Variants in DPYD observed in about 807,000 individuals in gnomAD.
DPYD encodes the protein dihydropyrimidine dehydrogenase [NADP(+)].
A neutral mutation model predicts 116.2 loss-of-function variants in DPYD; 109 were observed. That is an observed-to-expected ratio of 0.94 (90% CI 0.80 to 1.10). The LOEUF (loss-of-function observed/expected upper bound fraction) is 1.10, where lower values mean the gene tolerates loss of function less well. Ranked by LOEUF, DPYD falls within the 50% of genes least tolerant of loss-of-function variation. DPYD has a pLI of 0.00. For missense variants in DPYD, 1,302 were observed against 1,254.5 expected, an observed-to-expected ratio of 1.04 and a Z score of -0.57; for synonymous variants, 440 against 432.0, an observed-to-expected ratio of 1.02 and a Z score of -0.23.
At chr1:97,711,441 G>A (rs1224437564) in intron 5 of DPYD, among the ~76,000 whole-genome samples, 1 of 151,836 alleles carries the variant, frequency 6.6e-6, no homozygotes. Flanking sequence ...AAATAAAGTA[G>A]GTGAATGAGT....
chr1:97,442,396 G>C (rs1000648658), intron 14 of DPYD, among the ~76,000 whole-genome samples: 2 of 150,198 alleles, frequency 1.3e-5, no homozygotes, highest in Non-Finnish European at 3.0e-5. Context: ...AAAGAACTAC[G>C]AATGTCCTAT....
chr1:97,435,919 T>C (rs1177255125), intron 14 of DPYD, among the ~76,000 whole-genome samples: 1 of 151,984 alleles, frequency 6.6e-6, no homozygotes, highest in Non-Finnish European at 1.5e-5. Flanking sequence ...GAATAGTTTG[T>C]AACAGAGCTA....
chr1:97,851,986 G>GA (rs1255767517), intron 2 of DPYD, among the ~76,000 whole-genome samples: 2,512 of 29,290 alleles, frequency 0.086, 74 homozygotes, highest in African/African-American at 0.22. Flanking sequence ...TTAAAGTATA[G>GA]AAAAAAAAAA....
chr1:97,645,572 GT>G (rs1180497932), intron 8 of DPYD, among the ~76,000 whole-genome samples: 6 of 151,570 alleles, frequency 4.0e-5, no homozygotes, highest in Non-Finnish European at 7.4e-5. Context: ...GTCTGTTTCT[GT>G]TTTTTTAATC....
intron 13 of DPYD, among the ~76,000 whole-genome samples, chr1:97,481,957 T>C (rs1678341478): frequency 1.3e-5 from 2 of 152,210 alleles, no homozygotes; most frequent in East Asian, 1.9e-4. Context: ...GCACTGATAG[T>C]AGATTATAAA....
At chr1:97,611,954 C>CA (rs1655977860) in intron 8 of DPYD, among the ~76,000 whole-genome samples, 1 of 152,080 alleles carries the variant, frequency 6.6e-6, no homozygotes, top group Non-Finnish European at 1.5e-5. Context: ...GCAAGGACTG[C>CA]GTTAGGAAAT....
chr1:97,152,777 T>C (rs1280495378), intron 20 of DPYD, among the ~76,000 whole-genome samples: 1 of 151,812 alleles, frequency 6.6e-6, no homozygotes, highest in East Asian at 1.9e-4. Flanking sequence ...AGGTATAGCA[T>C]ACCTGAGAAC....
At chr1:97,179,608 G>T (rs1657511212) in intron 20 of DPYD, among the ~76,000 whole-genome samples, 1 of 152,122 alleles carries the variant, frequency 6.6e-6, no homozygotes, top group Non-Finnish European at 1.5e-5. Flanking sequence ...GGTGTAAGGG[G>T]CTGGGAGTGA....
chr1:97,371,253 C>A (rs1671296141), intron 16 of DPYD, among the ~76,000 whole-genome samples: 2 of 152,124 alleles, frequency 1.3e-5, no homozygotes, highest in Admixed American at 6.6e-5. Flanking sequence ...GTGTCTCTGG[C>A]AGATAAATAT....
intron 8 of DPYD, among the ~76,000 whole-genome samples, chr1:97,628,094 T>C (rs1306090975): frequency 6.6e-6 from 1 of 151,980 alleles, no homozygotes; most frequent in Non-Finnish European, 1.5e-5. Flanking sequence ...ACTGCCTGGA[T>C]GTTGGGGGAA....
intron 18 of DPYD, among the ~76,000 whole-genome samples, chr1:97,248,704 T>C (rs1157531687): frequency 6.6e-6 from 1 of 152,176 alleles, no homozygotes; most frequent in African/African-American, 2.4e-5. Context: ...CTATCCTCAA[T>C]CTGACAAAGA....
intron 14 of DPYD, among the ~76,000 whole-genome samples, chr1:97,386,343 A>C (rs1259115538): frequency 6.6e-6 from 1 of 151,334 alleles, no homozygotes; most frequent in Non-Finnish European, 1.5e-5. Context: ...GCTGCTGTTG[A>C]TCACTGATTC....
At chr1:97,344,075 C>T (rs957043071) in intron 16 of DPYD, among the ~76,000 whole-genome samples, 1 of 151,604 alleles carries the variant, frequency 6.6e-6, no homozygotes, top group African/African-American at 2.4e-5. Context: ...TGCAGAATTA[C>T]ACTTATTAGT....
At chr1:97,919,723 A>G (rs1015180799) in intron 1 of DPYD, among the ~76,000 whole-genome samples, 3 of 152,206 alleles carry the variant, frequency 2.0e-5, no homozygotes, top group Non-Finnish European at 4.4e-5. Flanking sequence ...ATATTGCTCA[A>G]TATCAAAAAG....
At chr1:97,917,377 C>CT (rs1674268689) in intron 1 of DPYD, among the ~76,000 whole-genome samples, 1 of 152,144 alleles carries the variant, frequency 6.6e-6, no homozygotes, top group Admixed American at 6.5e-5. Flanking sequence ...TAACCCATGA[C>CT]TTTCCTTGTT....
chr1:97,193,782 T>C (rs573554285), intron 19 of DPYD, among the ~76,000 whole-genome samples: 3 of 78,976 alleles, frequency 3.8e-5, no homozygotes, highest in African/African-American at 8.5e-5. Flanking sequence ...CCCAGGTCTT[T>C]CCTTTCTTCC....
chr1:97,801,593 T>A (rs971105746), intron 3 of DPYD, among the ~76,000 whole-genome samples: 1 of 151,894 alleles, frequency 6.6e-6, no homozygotes, highest in Non-Finnish European at 1.5e-5. Context: ...AATTCCAATT[T>A]TATATGGTAG....
At chr1:97,594,914 T>A (rs1654770646) in intron 9 of DPYD, 145 bp downstream of exon 9, 1 of 287,926 alleles carries the variant, frequency 3.5e-6, no homozygotes, top group East Asian at 7.6e-5. Context: ...ATACCCGGCC[T>A]TTTTTTTTTT....
intron 11 of DPYD, among the ~76,000 whole-genome samples, chr1:97,559,990 A>G (rs1652028324): frequency 6.6e-6 from 1 of 152,162 alleles, no homozygotes. Context: ...GAGATAAGTT[A>G]CCAAGGTCAC....
Sources: gnomAD v4.1 joint callset for allele counts (sites outside exome capture counted in the v4.1 genomes callset) on GRCh38, gnomAD v4.1.1 for gene constraint, MANE v1.5 for transcripts, NCBI Gene and HGNC (gene_info 2026-07-23, HGNC 2026-07-21) for gene names.